Variants in XKR3 observed in about 807,000 individuals in gnomAD.
The protein encoded by XKR3 is XK related 3.
A neutral mutation model predicts 40.3 loss-of-function variants in XKR3; 27 were observed. That is an observed-to-expected ratio of 0.67 (90% confidence interval 0.49 to 0.92). The LOEUF (loss-of-function observed/expected upper bound fraction) is 0.92. Among genes scored for constraint, XKR3 ranks in the 40% least tolerant of loss-of-function variants. The probability of loss-of-function intolerance (pLI) is 0.00; values close to 1 mark genes in which losing one functional copy is unlikely to be tolerated. For missense variants in XKR3, 472 were observed against 537.6 expected, an observed-to-expected ratio of 0.88 and a Z score of 1.21; for synonymous variants, 193 against 195.4, an observed-to-expected ratio of 0.99 and a Z score of 0.10.
At chr22:16,793,186 A>G (rs1186921058) in intron 3 of XKR3, among the ~76,000 whole-genome samples, 1 of 151,978 alleles carries the variant, frequency 6.6e-6, no homozygotes, top group Non-Finnish European at 1.5e-5. Flanking sequence ...TTAATTCTGT[A>G]TTTTTAGTAG....
intron 1 of XKR3, among the ~76,000 whole-genome samples, chr22:16,822,344 C>T (rs1250559274): frequency 6.6e-6 from 1 of 150,444 alleles, no homozygotes; most frequent in Non-Finnish European, 1.5e-5. Context: ...ACTAAAGTAA[C>T]AGTAACAGCT....
intron 3 of XKR3, among the ~76,000 whole-genome samples, chr22:16,786,009 T>C (rs1294442957): frequency 2.0e-5 from 3 of 152,298 alleles, no homozygotes; most frequent in South Asian, 2.1e-4. Context: ...TAACACTCCA[T>C]TTATTCCTTA....
At chr22:16,786,528 T>C (rs12160245) in intron 3 of XKR3, among the ~76,000 whole-genome samples, 1,718 of 152,226 alleles carry the variant, frequency 0.011, 29 homozygotes, top group African/African-American at 0.039. Flanking sequence ...TTCCTACTGG[T>C]TGACTGAATA....
rs1252458100 is a variant in XKR3 at position 16,799,927 on chromosome 22, G to T, written c.433C>A (p.Leu145Met). The change falls in exon 3 of 4, where the codon CTG (leucine) becomes ATG (methionine). Residue 145 changes from leucine to methionine, a missense_variant. Coordinates refer to ENST00000684488, the MANE Select transcript of XKR3 (RefSeq NM_001386955.1). ...QVSITKRNTM[L>M]EREIAFSIRD... ...ATTGAGAATGCAATCTCCCTTTCCA[G>T]CATCGTGTTTCTCTTTGTGATGCTA... 2 of 1,613,940 alleles carry T rather than the reference G, an allele frequency of 1.2e-6. No homozygotes were observed. Among genetic ancestry groups the T allele is most frequent in the African/African-American group, 2.7e-5 (2 of 74,896 alleles).
chr22:16,786,933 T>C (rs1601838535), intron 3 of XKR3, among the ~76,000 whole-genome samples: 4 of 152,112 alleles, frequency 2.6e-5, no homozygotes, highest in African/African-American at 9.7e-5. Context: ...CCGAAAGAGA[T>C]GGGCATGGAC....
chr22:16,801,213 A>G (rs1444531011), intron 2 of XKR3, among the ~76,000 whole-genome samples: 1 of 150,582 alleles, frequency 6.6e-6, no homozygotes, highest in Non-Finnish European at 1.5e-5. Flanking sequence ...AGGAAGTCTT[A>G]TATATCCTAG....
At chr22:16,794,575 G>A (rs1422434921) in intron 3 of XKR3, among the ~76,000 whole-genome samples, 2 of 152,160 alleles carry the variant, frequency 1.3e-5, no homozygotes, top group Admixed American at 6.5e-5. Context: ...AATGCCAAAC[G>A]TGCATTTGAA....
At chr22:16,794,614 ACTT>A (rs2060133128) in intron 3 of XKR3, among the ~76,000 whole-genome samples, 11 of 152,220 alleles carry the variant, frequency 7.2e-5, no homozygotes, top group African/African-American at 2.7e-4. Flanking sequence ...ACAAAAGCAC[ACTT>A]AAGCGCAAGC....
intron 3 of XKR3, among the ~76,000 whole-genome samples, chr22:16,793,464 A>G (rs1286357022): frequency 6.6e-6 from 1 of 152,242 alleles, no homozygotes; most frequent in Non-Finnish European, 1.5e-5. Context: ...GAAAACTGAC[A>G]TTGGTTCAGT....
chr22:16,819,592 C>T (rs1156554954), intron 1 of XKR3, among the ~76,000 whole-genome samples: 2 of 152,036 alleles, frequency 1.3e-5, no homozygotes. Context: ...TAAAACTCAC[C>T]CTACAGAAAT....
At chr22:16,804,569 T>C (rs1485971284) in intron 2 of XKR3, among the ~76,000 whole-genome samples, 1 of 152,160 alleles carries the variant, frequency 6.6e-6, no homozygotes, top group African/African-American at 2.4e-5. Context: ...TTAAAAGGTG[T>C]GAATAGAACA....
intron 3 of XKR3, among the ~76,000 whole-genome samples, chr22:16,795,327 G>A (rs1401703554): frequency 6.6e-6 from 1 of 151,880 alleles, no homozygotes; most frequent in Non-Finnish European, 1.5e-5. Context: ...TAAAAATTAA[G>A]GCAGAAATTA....
chr22:16,792,602 GT>G (rs2060124974), intron 3 of XKR3, among the ~76,000 whole-genome samples: 2 of 152,174 alleles, frequency 1.3e-5, no homozygotes, highest in South Asian at 4.1e-4. Context: ...TTCTCATTTG[GT>G]TTGAATGCCC....
At chr22:16,820,602 G>A (rs9618893) in intron 1 of XKR3, among the ~76,000 whole-genome samples, 4,496 of 150,536 alleles carry the variant, frequency 0.03, 255 homozygotes, top group African/African-American at 0.1. Flanking sequence ...AAGGCATGAA[G>A]GCCTGACACT....
At chr22:16,808,156 A>C in intron 1 of XKR3, 73 bp from the exon 2 acceptor site, 1 of 1,099,208 alleles carries the variant, frequency 9.1e-7, no homozygotes. Context: ...AGTAAACAAG[A>C]TTCTCTATAA....
intron 1 of XKR3, among the ~76,000 whole-genome samples, chr22:16,823,413 T>C (rs549954756): frequency 2.8e-4 from 43 of 152,332 alleles, no homozygotes; most frequent in African/African-American, 7.7e-4. Context: ...TTGACAGGAC[T>C]CACTGATTAA....
intron 2 of XKR3, among the ~76,000 whole-genome samples, chr22:16,807,204 C>A (rs2060193116): frequency 1.3e-5 from 2 of 152,132 alleles, no homozygotes; most frequent in South Asian, 2.1e-4. Flanking sequence ...TTACAGTACT[C>A]ATGCAAATCA....
chr22:16,800,220 C>A (rs5748649), intron 2 of XKR3, among the ~76,000 whole-genome samples, 196 bp from the exon 3 acceptor site: 16,760 of 152,142 alleles, frequency 0.11, 1,323 homozygotes, highest in African/African-American at 0.22. Flanking sequence ...TTCTTCCCCT[C>A]ATTTTCAACT....
rs5844282 is a variant in XKR3, at chr22:16,811,119, C to CTT, written c.-10-3038_-10-3037dup. On this transcript the variant is annotated intron_variant, in intron 1 of 3. Transcript: ENST00000684488. ...TCTTTTTTTTCTTTTTCACTTTCTT[C>CTT]TTTTTTTTTTTTTTTTTAATAGGAA... 7.4e-4 allele frequency among the ~76,000 whole-genome samples: 100 copies of CTT among 134,912 alleles called. No homozygotes were observed. In the East Asian group the frequency reaches 0.019, roughly 25 times the overall value. 88.5% of individuals were successfully genotyped at this position (134,912 alleles called of 152,430 possible). A position where few individuals can be genotyped will look rare whatever the true frequency, so the allele number is the denominator to read the frequency against.
Sources: allele counts gnomAD v4.1 joint callset (sites outside exome capture counted in the v4.1 genomes callset), GRCh38; gene constraint gnomAD v4.1.1; transcripts MANE v1.5; gene names NCBI Gene and HGNC (gene_info 2026-07-23, HGNC 2026-07-21).